Variants in ASIC2 observed in about 807,000 individuals in gnomAD.
The protein encoded by ASIC2 is acid sensing ion channel subunit 2.
ASIC2 carries 25 observed loss-of-function variants against 57.3 expected under a neutral mutation model. The observed-to-expected ratio is 0.44, with a 90% CI of 0.32 to 0.61. ASIC2 has a LOEUF of 0.61. ASIC2 is among the 20% of genes least tolerant of loss of function. ASIC2 has a pLI of 0.06. For synonymous variants in ASIC2, 319 were observed against 307.5 expected, an observed-to-expected ratio of 1.04 and a Z score of -0.39; for missense variants, 641 against 738.1, an observed-to-expected ratio of 0.87 and a Z score of 1.52.
chr17:34,107,940 C>A (rs1169689544), intron 1 of ASIC2, among the ~76,000 whole-genome samples: 1 of 152,136 alleles, frequency 6.6e-6, no homozygotes, highest in African/African-American at 2.4e-5. Context: ...ACTTTTCCAT[C>A]CCACCTCGCC....
intron 1 of ASIC2, among the ~76,000 whole-genome samples, chr17:33,220,070 C>T (rs1339877660): frequency 1.3e-5 from 2 of 152,174 alleles, no homozygotes; most frequent in East Asian, 1.9e-4. Flanking sequence ...CCCCTGCTAA[C>T]GTCTAACAGT....
Position 33,885,551 on chromosome 17 carries a change from T to C in ASIC2, c.555+270427A>G, listed in dbSNP as rs1178086106. ...ACTGAGATATATCATTAGCTCTACTTTGCAGAAGAAAAAAATGACATACAG... is the reference window on the plus strand; with the variant it reads ...ACTGAGATATATCATTAGCTCTACTCTGCAGAAGAAAAAAATGACATACAG... On this transcript the variant is annotated intron_variant, in intron 1 of 9. Transcript: ENST00000359872. 3.3e-5 allele frequency among the ~76,000 whole-genome samples: 5 copies of C among 152,332 alleles called. No homozygotes were observed. In the East Asian group the frequency reaches 9.6e-4, roughly 29 times the overall value.
intron 1 of ASIC2, among the ~76,000 whole-genome samples, chr17:33,747,712 G>A (rs1024178437): frequency 5.3e-5 from 8 of 152,260 alleles, no homozygotes; most frequent in Non-Finnish European, 7.4e-5. Context: ...AGATTTGCAA[G>A]TCCAGAGAGG....
At chr17:33,536,432 C>T (rs1915231850) in intron 1 of ASIC2, among the ~76,000 whole-genome samples, 3 of 152,164 alleles carry the variant, frequency 2.0e-5, no homozygotes, top group Admixed American at 2.0e-4. Context: ...TTAGGCGGCC[C>T]ATGGTGGAGG....
chr17:33,028,095 A>G, intron 4 of ASIC2, 147 bp downstream of exon 4: 4 of 1,169,180 alleles, frequency 3.4e-6, no homozygotes, highest in Non-Finnish European at 4.7e-6. Context: ...TGCCCTCTTA[A>G]TAGGCACCAA....
At chr17:33,273,849 G>C (rs182264619) in intron 1 of ASIC2, among the ~76,000 whole-genome samples, 2 of 151,896 alleles carry the variant, frequency 1.3e-5, no homozygotes, top group African/African-American at 4.8e-5. Context: ...AAGACTAAAG[G>C]CAGAATGGGA....
intron 1 of ASIC2, among the ~76,000 whole-genome samples, chr17:34,146,098 G>T (rs1435377490): frequency 1.3e-5 from 2 of 152,156 alleles, no homozygotes; most frequent in Non-Finnish European, 2.9e-5. Flanking sequence ...GGAAACCTTG[G>T]GAAGGGCTTT....
intron 1 of ASIC2, among the ~76,000 whole-genome samples, chr17:33,509,776 C>T (rs1914374933): frequency 6.6e-6 from 1 of 152,164 alleles, no homozygotes; most frequent in African/African-American, 2.4e-5. Context: ...CTGAATATAG[C>T]CCTTGCCCAG....
chr17:33,118,993 AG>A (rs1309044825), intron 1 of ASIC2, among the ~76,000 whole-genome samples: 1 of 152,144 alleles, frequency 6.6e-6, no homozygotes, highest in Non-Finnish European at 1.5e-5. Context: ...GAGAGGAGTT[AG>A]GAGTAGCTAA....
chr17:33,490,123 C>G (rs532478376), intron 1 of ASIC2, among the ~76,000 whole-genome samples: 1 of 152,208 alleles, frequency 6.6e-6, no homozygotes, highest in Non-Finnish European at 1.5e-5. Context: ...AGAATACAGT[C>G]GTGTACATTC....
intron 1 of ASIC2, among the ~76,000 whole-genome samples, chr17:33,980,447 TGAAGTGAAA>T (rs1567777314): frequency 6.6e-6 from 1 of 152,006 alleles, no homozygotes; most frequent in South Asian, 2.1e-4. Context: ...AGTGAAAGAA[TGAAGTGAAA>T]GAAGTGAAAG....
chr17:33,893,732 C>A (rs953238845), intron 1 of ASIC2, among the ~76,000 whole-genome samples: 1 of 152,140 alleles, frequency 6.6e-6, no homozygotes, highest in East Asian at 1.9e-4. Flanking sequence ...AGTCCATAAT[C>A]CTTATTTATA....
chr17:34,021,841 T>G (rs1413389138), intron 1 of ASIC2, among the ~76,000 whole-genome samples: 31 of 144,688 alleles, frequency 2.1e-4, no homozygotes, highest in African/African-American at 7.8e-4. Context: ...TGTTTTGTTT[T>G]TTTTTTTTTT....
At chr17:33,266,937 G>T (rs896582018) in intron 1 of ASIC2, among the ~76,000 whole-genome samples, 10 of 152,232 alleles carry the variant, frequency 6.6e-5, no homozygotes, top group Non-Finnish European at 1.3e-4. Flanking sequence ...AGCGATTCGG[G>T]TGACACAACG....
At chr17:33,841,662 G>A (rs1207977314) in intron 1 of ASIC2, among the ~76,000 whole-genome samples, 3 of 152,164 alleles carry the variant, frequency 2.0e-5, no homozygotes, top group East Asian at 1.9e-4. Flanking sequence ...CAAGCTCCAG[G>A]GGTTATCTTC....
chr17:33,945,648 AG>A (rs2141981636), intron 1 of ASIC2, among the ~76,000 whole-genome samples: 1 of 152,270 alleles, frequency 6.6e-6, no homozygotes, highest in Admixed American at 6.5e-5. Context: ...CTTCTGTGTC[AG>A]GGGACACCAT....
intron 4 of ASIC2, among the ~76,000 whole-genome samples, chr17:33,026,640 C>T (rs994875041): frequency 5.3e-5 from 8 of 152,188 alleles, no homozygotes; most frequent in Admixed American, 5.2e-4. Flanking sequence ...GTGATTGACA[C>T]CTCTACTGCT....
chr17:33,387,443 A>G (rs1248581485), intron 1 of ASIC2, among the ~76,000 whole-genome samples: 1 of 152,230 alleles, frequency 6.6e-6, no homozygotes, highest in African/African-American at 2.4e-5. Flanking sequence ...TCCTGTACCA[A>G]CAGAGAAATG....
intron 1 of ASIC2, among the ~76,000 whole-genome samples, chr17:33,850,031 A>T (rs151279691): frequency 6.6e-6 from 1 of 152,222 alleles, no homozygotes; most frequent in African/African-American, 2.4e-5. Context: ...TTGTTTCTTA[A>T]GAGGGGGAAA....
Sources: gnomAD v4.1 joint callset for allele counts (sites outside exome capture counted in the v4.1 genomes callset) on GRCh38, gnomAD v4.1.1 for gene constraint, MANE v1.5 for transcripts, NCBI Gene and HGNC (gene_info 2026-07-23, HGNC 2026-07-21) for gene names.